The following GPHN variants were observed in gnomAD, a reference collection of about 807,000 sequenced individuals.
The protein encoded by GPHN is gephyrin.
GPHN carries 17 observed loss-of-function variants against 95.5 expected under a neutral mutation model. The ratio of observed to expected loss-of-function variants is 0.18; its 90% CI spans 0.12 to 0.27. The LOEUF (loss-of-function observed/expected upper bound fraction) is 0.27, where lower values mean the gene tolerates loss of function less well. Ranked by LOEUF, GPHN falls within the 10% of genes least tolerant of loss-of-function variation. The pLI is 1.00. For synonymous variants in GPHN, 320 were observed against 322.5 expected (o/e 0.99, Z 0.08); for missense variants, 660 against 978.1 (o/e 0.67, Z 4.34).
intron 21 of GPHN, 31 bp from the exon 22 acceptor site, chr14:67,179,547 A>T (rs1351362098): frequency 7.8e-7 from 1 of 1,279,868 alleles, no homozygotes; most frequent in South Asian, 1.2e-5. Flanking sequence ...CAGGTGACCA[A>T]GTTTGTTTTC....
chr14:67,515,346 CG>C, the GPHN span: 3 of 161,546 alleles, frequency 1.9e-5, no homozygotes, highest in African/African-American at 7.2e-5. Context: ...TGTCGGCGTC[CG>C]CCGCGGCGGC....
chr14:67,472,473 T>G, the GPHN span: 3 of 152,298 alleles, frequency 2.0e-5, no homozygotes, highest in African/African-American at 7.2e-5. Context: ...GGGCATCATT[T>G]GTTCTCAGCT....
intron 2 of GPHN, among the ~76,000 whole-genome samples, chr14:66,697,243 G>T (rs1197707991): frequency 1.3e-5 from 2 of 152,084 alleles, no homozygotes; most frequent in African/African-American, 4.8e-5. Flanking sequence ...AAATAATATT[G>T]TCAATGATGA....
chr14:67,567,421 A>G, the GPHN span, among the ~76,000 whole-genome samples: 1 of 152,028 alleles, frequency 6.6e-6, no homozygotes, highest in African/African-American at 2.4e-5. Context: ...AATCCTTCAA[A>G]CTTCAGTTTC....
intron 4 of GPHN, among the ~76,000 whole-genome samples, chr14:66,871,021 T>C (rs1459514165): frequency 6.6e-6 from 1 of 152,188 alleles, no homozygotes; most frequent in East Asian, 1.9e-4. Flanking sequence ...TCCAGTGGTA[T>C]GTTTTAGAGG....
At chr14:66,554,862 A>G (rs1333428872) in intron 1 of GPHN, among the ~76,000 whole-genome samples, 3 of 152,198 alleles carry the variant, frequency 2.0e-5, no homozygotes, top group South Asian at 2.1e-4. Context: ...GGTACCTCCA[A>G]TGTGGACTGT....
intron 3 of GPHN, among the ~76,000 whole-genome samples, chr14:66,789,300 T>TA (rs2059891137): frequency 6.6e-6 from 1 of 152,246 alleles, no homozygotes; most frequent in Admixed American, 6.5e-5. Flanking sequence ...AAGCACATCT[T>TA]ACTTTCCTTA....
the GPHN span, chr14:67,722,350 T>C: frequency 1.9e-6 from 1 of 517,522 alleles, no homozygotes; most frequent in South Asian, 2.1e-5. Context: ...GGTACTTGCT[T>C]TAGTTTCCCC....
chr14:67,133,177 A>G (rs1173568104), intron 17 of GPHN, among the ~76,000 whole-genome samples: 1 of 124,906 alleles, frequency 8.0e-6, no homozygotes, highest in African/African-American at 4.9e-5. Flanking sequence ...TGAAGAAACT[A>G]TGATATGATA....
chr14:66,851,594 C>T (rs927047331), intron 4 of GPHN, among the ~76,000 whole-genome samples: 1 of 152,098 alleles, frequency 6.6e-6, no homozygotes, highest in Admixed American at 6.6e-5. Flanking sequence ...GGCACAATGG[C>T]TGAAACCGTT....
At chr14:67,650,453 T>G in the GPHN span, 1 of 465,744 alleles carries the variant, frequency 2.1e-6, no homozygotes, top group Non-Finnish European at 3.9e-6. Context: ...CTGACAATTA[T>G]GCCTGTTATG....
chr14:66,673,384 G>T (rs891100699), intron 1 of GPHN, among the ~76,000 whole-genome samples: 1 of 152,098 alleles, frequency 6.6e-6, no homozygotes, highest in African/African-American at 2.4e-5. Flanking sequence ...GAGCCACCAC[G>T]CCCTGCCTGT....
the GPHN span, among the ~76,000 whole-genome samples, chr14:67,731,467 A>G: frequency 2.5e-4 from 38 of 151,390 alleles, no homozygotes; most frequent in African/African-American, 9.0e-4. Context: ...CGCCCACCTC[A>G]GCCTCCCAAA....
At chr14:66,628,769 GTT>G (rs1484260780) in intron 1 of GPHN, among the ~76,000 whole-genome samples, 1 of 151,874 alleles carries the variant, frequency 6.6e-6, no homozygotes, top group African/African-American at 2.4e-5. Context: ...GTACAAAAAT[GTT>G]TTATTTCTGG....
At chr14:66,910,106 G>A (rs1362803318) in intron 5 of GPHN, among the ~76,000 whole-genome samples, 4 of 151,800 alleles carry the variant, frequency 2.6e-5, no homozygotes, top group South Asian at 2.1e-4. Flanking sequence ...ATGCAGAATC[G>A]ACCCTCTAGA....
the GPHN span, among the ~76,000 whole-genome samples, chr14:67,322,873 T>C: frequency 1.3e-5 from 2 of 152,192 alleles, no homozygotes; most frequent in South Asian, 2.1e-4. Context: ...CAGTCATGCA[T>C]TGGTAATCAA....
chr14:66,850,935 T>G (rs2062555483), intron 4 of GPHN, among the ~76,000 whole-genome samples: 1 of 152,078 alleles, frequency 6.6e-6, no homozygotes, highest in Non-Finnish European at 1.5e-5. Flanking sequence ...CATATAATAA[T>G]GTAATATAAT....
At chr14:66,954,985 T>C (rs1237743998) in intron 8 of GPHN, among the ~76,000 whole-genome samples, 2 of 152,214 alleles carry the variant, frequency 1.3e-5, no homozygotes. Context: ...TGATGTATAA[T>C]TGTTTTAGTA....
At chr14:67,652,989 C>T in the GPHN span, among the ~76,000 whole-genome samples, 3 of 152,090 alleles carry the variant, frequency 2.0e-5, no homozygotes, top group African/African-American at 7.2e-5. Flanking sequence ...ACGGGTTTCA[C>T]CATTTGAGCC....
Sources: gnomAD v4.1 joint callset for allele counts (sites outside exome capture counted in the v4.1 genomes callset) on GRCh38, gnomAD v4.1.1 for gene constraint, MANE v1.5 for transcripts, NCBI Gene and HGNC (gene_info 2026-07-23, HGNC 2026-07-21) for gene names.